The following SDCCAG8 variants were observed in gnomAD, a reference collection of about 807,000 sequenced individuals.
SDCCAG8 encodes serologically defined colon cancer antigen 8.
Under a neutral mutation model 101.8 loss-of-function variants are expected in SDCCAG8, and 74 were observed. The observed-to-expected ratio is 0.73, with a 90% CI of 0.60 to 0.88. The LOEUF (loss-of-function observed/expected upper bound fraction) is 0.88. Among genes scored for constraint, SDCCAG8 ranks in the 40% least tolerant of loss-of-function variants. The probability of loss-of-function intolerance (pLI) is 0.00; values close to 1 mark genes in which losing one functional copy is unlikely to be tolerated. For synonymous variants in SDCCAG8, 281 were observed against 292.9 expected, an observed-to-expected ratio of 0.96 and a Z score of 0.41; for missense variants, 787 against 822.6, an observed-to-expected ratio of 0.96 and a Z score of 0.53.
At chr1:243,321,168 G>C (rs1330763601) in intron 9 of SDCCAG8, among the ~76,000 whole-genome samples, 3 of 151,760 alleles carry the variant, frequency 2.0e-5, no homozygotes, top group African/African-American at 7.3e-5. Context: ...GTCCTCTGGT[G>C]GGCACATTTA....
intron 16 of SDCCAG8, among the ~76,000 whole-genome samples, chr1:243,441,136 G>A (rs2082509871): frequency 6.6e-6 from 1 of 152,138 alleles, no homozygotes; most frequent in Non-Finnish European, 1.5e-5. Flanking sequence ...CATTAAAGAG[G>A]CTTTTGAGTC....
rs752896885 is a variant in SDCCAG8 at position 243,426,486 on chromosome 1, T to C, written c.1913T>C (p.Leu638Ser). The change falls in exon 16 of 18, where the codon TTA becomes TCA. Residue 638 changes from leucine to serine, a missense_variant. Leu to Ser is a moderately radical substitution (Grantham distance 145, BLOSUM62 -2). Transcript: ENST00000366541. ...KRYTYDKLGK[L>S]QRRNEELEEQ... ...TATACATATGATAAATTGGGAAAGT[T>C]ACAGAGAAGAAATGAAGAATTGGAG... is the stretch of plus-strand genomic sequence containing the variant. 3.0e-5 allele frequency: 49 copies of C among 1,613,838 alleles called. No individual in the cohort carries two copies. The highest frequency in any genetic ancestry group is 3.6e-5 in the Non-Finnish European group (42 of 1,179,888).
At chr1:243,264,556 G>A (rs190467012) in intron 1 of SDCCAG8, among the ~76,000 whole-genome samples, 15 of 152,312 alleles carry the variant, frequency 9.8e-5, no homozygotes, top group Admixed American at 7.2e-4. Flanking sequence ...GGAGGTTGCA[G>A]TGAGCCGAGA....
At chr1:243,478,296 T>G (rs1168620991) in intron 16 of SDCCAG8, among the ~76,000 whole-genome samples, 2 of 152,214 alleles carry the variant, frequency 1.3e-5, no homozygotes, top group African/African-American at 4.8e-5. Flanking sequence ...AGCGCCAGAT[T>G]TACTACAGAC....
chr1:243,417,933 A>G (rs2080713483), intron 14 of SDCCAG8, 35 bp from the exon 15 acceptor site: 4 of 1,472,250 alleles, frequency 2.7e-6, no homozygotes, highest in Non-Finnish European at 3.8e-6. Context: ...AACCATAAAC[A>G]TCTTATGTTG....
chr1:243,268,248 C>T (rs1486386345), intron 1 of SDCCAG8: 4 of 370,966 alleles, frequency 1.1e-5, no homozygotes. Flanking sequence ...GTGTTTTATT[C>T]GTGGATTTAA....
chr1:243,462,556 C>A (rs1225578865), intron 16 of SDCCAG8, among the ~76,000 whole-genome samples: 2 of 152,156 alleles, frequency 1.3e-5, no homozygotes, highest in East Asian at 3.8e-4. Flanking sequence ...TCCACTGTAT[C>A]CCAACGCCCA....
chr1:243,427,331 GA>G (rs1229636848), intron 16 of SDCCAG8, among the ~76,000 whole-genome samples: 1 of 152,070 alleles, frequency 6.6e-6, no homozygotes, highest in Non-Finnish European at 1.5e-5. Context: ...CAGTAATGGG[GA>G]TTTTTTTTTT....
At chr1:243,465,686 A>G (rs895455534) in intron 16 of SDCCAG8, among the ~76,000 whole-genome samples, 1 of 152,264 alleles carries the variant, frequency 6.6e-6, no homozygotes, top group African/African-American at 2.4e-5. Flanking sequence ...AGACACTATA[A>G]TTTAAATGTC....
At chr1:243,432,948 A>C (rs1286902028) in intron 16 of SDCCAG8, among the ~76,000 whole-genome samples, 1 of 152,092 alleles carries the variant, frequency 6.6e-6, no homozygotes, top group Non-Finnish European at 1.5e-5. Context: ...TGAGAGTCAA[A>C]AGAAATTTGG....
intron 16 of SDCCAG8, among the ~76,000 whole-genome samples, chr1:243,438,172 G>C (rs1021111581): frequency 1.3e-5 from 2 of 152,140 alleles, no homozygotes; most frequent in East Asian, 1.9e-4. Context: ...TGCGCATCCG[G>C]GGGGAGGAAG....
chr1:243,351,247 C>T (rs989966589), intron 12 of SDCCAG8, among the ~76,000 whole-genome samples: 1 of 152,208 alleles, frequency 6.6e-6, no homozygotes. Context: ...TTCACACCCT[C>T]TTTCAGTCTG....
At chr1:243,330,402 TAAAC>T (rs2074502045) in intron 9 of SDCCAG8, 134 bp from the exon 10 acceptor site, 4 of 793,418 alleles carry the variant, frequency 5.0e-6, no homozygotes, top group Non-Finnish European at 8.3e-6. Context: ...GTGGTATTGA[TAAAC>T]AATAAAAAAT....
At chr1:243,386,686 G>C (rs944036856) in intron 13 of SDCCAG8, among the ~76,000 whole-genome samples, 2 of 152,088 alleles carry the variant, frequency 1.3e-5, no homozygotes, top group African/African-American at 4.8e-5. Flanking sequence ...CCGGGAAGTG[G>C]AGGTTACAGT....
intron 13 of SDCCAG8, among the ~76,000 whole-genome samples, chr1:243,386,791 A>AGAG (rs1558395246): frequency 2.1e-5 from 3 of 139,752 alleles, no homozygotes; most frequent in African/African-American, 8.9e-5. Context: ...GAGAGAGAGA[A>AGAG]AGAAAGAAAG....
chr1:243,493,568 G>A (rs565392539), intron 17 of SDCCAG8, among the ~76,000 whole-genome samples: 1 of 152,038 alleles, frequency 6.6e-6, no homozygotes, highest in Non-Finnish European at 1.5e-5. Flanking sequence ...TCTGTCTGCA[G>A]TGTTCAATCT....
intron 10 of SDCCAG8, among the ~76,000 whole-genome samples, chr1:243,335,763 T>TATG (rs2074960590): frequency 3.3e-5 from 5 of 150,120 alleles, no homozygotes; most frequent in Admixed American, 1.3e-4. Context: ...TACCCAATAG[T>TATG]TAGTTTTTCA....
intron 13 of SDCCAG8, among the ~76,000 whole-genome samples, chr1:243,408,287 G>A (rs2079928881): frequency 6.6e-6 from 1 of 152,132 alleles, no homozygotes; most frequent in African/African-American, 2.4e-5. Context: ...GCAAAACAAA[G>A]GTTCCTATTC....
chr1:243,413,763 AG>A (rs199985802), intron 13 of SDCCAG8, among the ~76,000 whole-genome samples: 2,453 of 152,304 alleles, frequency 0.016, 35 homozygotes, highest in Non-Finnish European at 0.022. Flanking sequence ...CTGCCCCGGC[AG>A]GGGGTCTGAC....
Sources: allele counts gnomAD v4.1 joint callset (sites outside exome capture counted in the v4.1 genomes callset), GRCh38; gene constraint gnomAD v4.1.1; transcripts MANE v1.5; gene names NCBI Gene and HGNC (gene_info 2026-07-23, HGNC 2026-07-21).